Variants in CTNNA3 observed in about 807,000 individuals in gnomAD.
The protein encoded by CTNNA3 is catenin alpha-3.
A neutral mutation model predicts 95.7 loss-of-function variants in CTNNA3; 76 were observed. That is an observed-to-expected ratio of 0.79 (90% CI 0.66 to 0.96). The LOEUF (loss-of-function observed/expected upper bound fraction) is 0.96. Among genes scored for constraint, CTNNA3 ranks in the 40% least tolerant of loss-of-function variants. CTNNA3 has a pLI of 0.00. For synonymous variants in CTNNA3, 431 were observed against 374.4 expected (o/e 1.15, Z -1.74); for missense variants, 1,191 against 1,089.8 (o/e 1.09, Z -1.31).
intron 7 of CTNNA3, among the ~76,000 whole-genome samples, chr10:66,905,010 C>T (rs1327492079): frequency 6.6e-6 from 1 of 152,128 alleles, no homozygotes; most frequent in African/African-American, 2.4e-5. Context: ...ACCCAGCCAT[C>T]CCATTACTGG....
intron 7 of CTNNA3, among the ~76,000 whole-genome samples, chr10:66,890,983 G>C (rs770038254): frequency 1.2e-4 from 18 of 152,034 alleles, no homozygotes; most frequent in Non-Finnish European, 2.2e-4. Flanking sequence ...CAGTCCCCAG[G>C]CTCATCTCCA....
chr10:66,844,045 G>A lies in CTNNA3; in HGVS notation c.1048-68521C>T, dbSNP rs78498772. Among the ~76,000 whole-genome samples the A allele has an allele frequency of 7.9e-5, 12 of 152,200 alleles. No individual in the cohort carries two copies. The East Asian group carries it at 1.9e-3, about 24-fold the overall frequency. On this transcript the variant is annotated intron_variant, in intron 7 of 17. Transcript: ENST00000433211. The stretch of plus-strand genomic sequence containing the variant: ...AGAGAGCCCTGTTTTGCCTCTTGTC[G>A]GAAAATACCAAGCTTGTATAGCTGG...
At chr10:67,297,928 T>C (rs2132487141) in intron 5 of CTNNA3, among the ~76,000 whole-genome samples, 1 of 152,246 alleles carries the variant, frequency 6.6e-6, no homozygotes. Context: ...TCCTTTGAGG[T>C]TTCTTCCAGA....
intron 5 of CTNNA3, among the ~76,000 whole-genome samples, chr10:67,458,280 T>C (rs923388109): frequency 3.3e-5 from 5 of 152,038 alleles, no homozygotes; most frequent in Admixed American, 6.6e-5. Context: ...TCAAGAATCA[T>C]AGTATTAGAA....
At chr10:66,541,686 A>G (rs1270914191) in intron 10 of CTNNA3, among the ~76,000 whole-genome samples, 1 of 152,016 alleles carries the variant, frequency 6.6e-6, no homozygotes, top group African/African-American at 2.4e-5. Flanking sequence ...GTCAAAATTT[A>G]TTTTTTCTAA....
chr10:66,623,440 T>A (rs1844820681), intron 9 of CTNNA3, among the ~76,000 whole-genome samples: 2 of 141,788 alleles, frequency 1.4e-5, no homozygotes, highest in South Asian at 4.8e-4. Context: ...TACATTCTTC[T>A]TCTGGATATT....
At chr10:66,711,258 CA>C (rs56013857) in intron 9 of CTNNA3, among the ~76,000 whole-genome samples, 18 of 118,128 alleles carry the variant, frequency 1.5e-4, no homozygotes, top group Non-Finnish European at 1.7e-4. Context: ...GAACAAGAAA[CA>C]AAAAAAAAAA....
At chr10:67,727,121 T>C (rs1306684533) in intron 1 of CTNNA3, among the ~76,000 whole-genome samples, 1 of 120,122 alleles carries the variant, frequency 8.3e-6, no homozygotes, top group African/African-American at 3.2e-5. Flanking sequence ...ATATATGATA[T>C]AATTATATAA....
Position 66,927,490 on chromosome 10 carries a change from C to A in CTNNA3, c.1048-151966G>T, listed in dbSNP as rs867047729. On this transcript the variant is annotated intron_variant, in intron 7 of 17. Coordinates refer to ENST00000433211, the MANE Select transcript of CTNNA3 (RefSeq NM_013266.4). The surrounding 1 kb of genome is among the most constrained non-coding windows in gnomAD (Gnocchi z 4.7). ...GGAACTTTTGGACCTGGGATATAAC[C>A]GGATCCGAAGTTTAGCCAGGAATGT... The A allele has an allele frequency of 2.5e-6, 4 of 1,613,974 alleles. No individual in the cohort carries two copies. The highest frequency in any genetic ancestry group is 1.1e-5 in the South Asian group (1 of 91,086).
chr10:66,377,667 CCT>C (rs1414449232), intron 12 of CTNNA3, among the ~76,000 whole-genome samples: 2 of 151,822 alleles, frequency 1.3e-5, no homozygotes, highest in Non-Finnish European at 2.9e-5. Context: ...AAAAAAAACC[CCT>C]GTTACATTCT....
chr10:67,487,915 T>C (rs950035545), intron 5 of CTNNA3, among the ~76,000 whole-genome samples: 1 of 152,192 alleles, frequency 6.6e-6, no homozygotes, highest in African/African-American at 2.4e-5. Context: ...GTTCTATGGA[T>C]GAGGAAACTC....
intron 17 of CTNNA3, among the ~76,000 whole-genome samples, chr10:65,943,993 CAACT>C (rs2077471637): frequency 6.6e-6 from 1 of 152,108 alleles, no homozygotes; most frequent in Non-Finnish European, 1.5e-5. Context: ...TTTTTTAGAA[CAACT>C]AATTTATGTA....
At chr10:66,768,419 G>A (rs982876771) in intron 8 of CTNNA3, among the ~76,000 whole-genome samples, 1 of 152,112 alleles carries the variant, frequency 6.6e-6, no homozygotes, top group Admixed American at 6.5e-5. Flanking sequence ...CAGGAGTCAT[G>A]ATTAAAGAGT....
intron 7 of CTNNA3, among the ~76,000 whole-genome samples, chr10:67,018,341 T>A (rs1452474172): frequency 1.3e-5 from 2 of 152,216 alleles, no homozygotes; most frequent in Non-Finnish European, 2.9e-5. Context: ...GATTCCTGAT[T>A]TTCTTCACCC....
At chr10:66,040,964 C>T (rs1447456146) in intron 15 of CTNNA3, among the ~76,000 whole-genome samples, 1 of 152,092 alleles carries the variant, frequency 6.6e-6, no homozygotes, top group Non-Finnish European at 1.5e-5. Context: ...CAAAATATCT[C>T]CTTCAAGATA....
chr10:67,140,943 G>C (rs930279020), intron 7 of CTNNA3, among the ~76,000 whole-genome samples: 2 of 152,148 alleles, frequency 1.3e-5, no homozygotes, highest in African/African-American at 4.8e-5. Flanking sequence ...CATATGCCAA[G>C]AAAGACATAA....
intron 13 of CTNNA3, among the ~76,000 whole-genome samples, chr10:66,280,078 C>A (rs1023759582): frequency 2.0e-5 from 3 of 151,956 alleles, no homozygotes; most frequent in African/African-American, 7.2e-5. Flanking sequence ...TAAAATACCA[C>A]GTTTTCCTAT....
chr10:67,005,688 T>TTTTTTTGTTTGTTTG (rs1851937717), intron 7 of CTNNA3, among the ~76,000 whole-genome samples: 1 of 98,896 alleles, frequency 1.0e-5, no homozygotes, highest in African/African-American at 3.5e-5. Flanking sequence ...CCATCTTTTT[T>TTTTTTTGTTTGTTTG]TTTTTTTTTT....
At chr10:66,287,304 AC>A (rs1316099246) in intron 12 of CTNNA3, among the ~76,000 whole-genome samples, 2 of 151,994 alleles carry the variant, frequency 1.3e-5, no homozygotes, top group African/African-American at 4.8e-5. Context: ...CCTCTGCCCT[AC>A]CTTTTTGTAA....
Sources: allele counts gnomAD v4.1 joint callset (sites outside exome capture counted in the v4.1 genomes callset), GRCh38; gene constraint gnomAD v4.1.1; non-coding constraint Gnocchi (gnomAD v3.1); transcripts MANE v1.5; gene names NCBI Gene and HGNC (gene_info 2026-07-23, HGNC 2026-07-21).